SETBP1: variants seen among roughly 807,000 people sequenced by gnomAD.
The protein encoded by SETBP1 is SET-binding protein.
In SETBP1, 9 loss-of-function variants were observed where a neutral mutation model predicts 101.0. The observed-to-expected ratio is 0.09, with a 90% confidence interval of 0.05 to 0.16. The LOEUF (loss-of-function observed/expected upper bound fraction) is 0.16, where lower values mean the gene tolerates loss of function less well. Ranked by LOEUF, SETBP1 falls within the 10% of genes least tolerant of loss-of-function variation. The pLI is 1.00. For missense variants in SETBP1, 1,858 were observed against 2,033.8 expected, an observed-to-expected ratio of 0.91 and a Z score of 1.66; for synonymous variants, 818 against 788.5, an observed-to-expected ratio of 1.04 and a Z score of -0.63.
At chr18:45,050,264 A>G (rs772555044) in intron 5 of SETBP1, among the ~76,000 whole-genome samples, 31 of 152,240 alleles carry the variant, frequency 2.0e-4, no homozygotes, top group Admixed American at 7.8e-4. Flanking sequence ...TACAAAGCAT[A>G]GCTGTTACAA....
chr18:44,972,580 G>A (rs1210182558), intron 4 of SETBP1, among the ~76,000 whole-genome samples: 1 of 152,136 alleles, frequency 6.6e-6, no homozygotes. Context: ...TCTCCCTGAA[G>A]AGATCCTTCA....
chr18:44,686,773 G>C (rs2068847098), intron 1 of SETBP1, among the ~76,000 whole-genome samples: 1 of 152,102 alleles, frequency 6.6e-6, no homozygotes, highest in African/African-American at 2.4e-5. Flanking sequence ...AATAATAATT[G>C]CTTTTTATAT....
rs565075562 is a variant in SETBP1 at position 44,918,955 on chromosome 18, A to G, written c.541-30926A>G. 5.3e-5 allele frequency among the ~76,000 whole-genome samples: 8 copies of G among 152,324 alleles called. No homozygotes were observed. In the South Asian group the frequency reaches 1.2e-3, roughly 24 times the overall value. Reference sequence around the variant, plus strand: ...ACTCTTCTCCTGGGGCTTAATATCTATAGCAGTCCCACTTTGGATTCTGCT... The same window carrying G: ...ACTCTTCTCCTGGGGCTTAATATCTGTAGCAGTCCCACTTTGGATTCTGCT... On this transcript the variant is annotated intron_variant, in intron 3 of 5. Transcript: ENST00000649279.
chr18:45,054,532 A>G (rs115997074), intron 5 of SETBP1, among the ~76,000 whole-genome samples: 1 of 152,138 alleles, frequency 6.6e-6, no homozygotes, highest in Non-Finnish European at 1.5e-5. Flanking sequence ...AAAATCCCCC[A>G]GACTTAAAAC....
At chr18:44,735,555 A>T (rs1247289141) in intron 2 of SETBP1, among the ~76,000 whole-genome samples, 1 of 152,220 alleles carries the variant, frequency 6.6e-6, no homozygotes, top group African/African-American at 2.4e-5. Flanking sequence ...CATCTGCAAG[A>T]CTAAACATTA....
intron 2 of SETBP1, among the ~76,000 whole-genome samples, chr18:44,793,286 CTG>C (rs1188231232): frequency 6.6e-6 from 1 of 152,156 alleles, no homozygotes; most frequent in Non-Finnish European, 1.5e-5. Flanking sequence ...TTAAGATTAT[CTG>C]GGGAGTTTGT....
At chr18:44,915,216 C>G (rs563075728) in intron 3 of SETBP1, among the ~76,000 whole-genome samples, 1 of 152,270 alleles carries the variant, frequency 6.6e-6, no homozygotes, top group African/African-American at 2.4e-5. Context: ...TCATTATGCT[C>G]CAGGACACCA....
chr18:44,952,690 T>C lies in SETBP1; in HGVS notation c.3350T>C (p.Leu1117Pro), dbSNP rs768009924. ...AKHKAKHGVHLQGPVSMGLGD... is the reference protein window; with the variant it reads ...AKHKAKHGVHPQGPVSMGLGD... Reference sequence around the variant, plus strand: ...CATAAAGCCAAGCATGGAGTACACCTGCAGGGACCTGTTAGCATGGGCCTT... The same window carrying C: ...CATAAAGCCAAGCATGGAGTACACCCGCAGGGACCTGTTAGCATGGGCCTT... The change falls in exon 4 of 6, where the codon CTG (leucine) becomes CCG (proline). Residue 1117 changes from leucine to proline, a missense_variant. Transcript: ENST00000649279. 1 of 1,614,144 alleles carries C rather than the reference T, an allele frequency of 6.2e-7. No homozygotes were observed.
intron 2 of SETBP1, among the ~76,000 whole-genome samples, chr18:44,799,800 C>T (rs1035978053): frequency 1.3e-5 from 2 of 152,154 alleles, no homozygotes; most frequent in African/African-American, 4.8e-5. Context: ...TACTTCTGAC[C>T]TCACTCACCT....
At chr18:45,011,407 A>G (rs938004679) in intron 4 of SETBP1, among the ~76,000 whole-genome samples, 4 of 152,312 alleles carry the variant, frequency 2.6e-5, no homozygotes, top group African/African-American at 9.6e-5. Flanking sequence ...AGCCTGTGCC[A>G]TCTTATAGCA....
chr18:44,868,524 G>A (rs947909685), intron 2 of SETBP1, among the ~76,000 whole-genome samples: 3 of 152,058 alleles, frequency 2.0e-5, no homozygotes, highest in Admixed American at 6.5e-5. Context: ...GAGAGACCTC[G>A]TCTCTACTAA....
At chr18:44,919,338 TC>T (rs1428323405) in intron 3 of SETBP1, among the ~76,000 whole-genome samples, 4 of 145,498 alleles carry the variant, frequency 2.7e-5, no homozygotes, top group African/African-American at 1.0e-4. Flanking sequence ...CTAAATCAAA[TC>T]CCCCCATCTT....
intron 4 of SETBP1, among the ~76,000 whole-genome samples, chr18:44,971,781 T>C (rs895215378): frequency 1.4e-4 from 22 of 152,348 alleles, no homozygotes; most frequent in South Asian, 4.1e-4. Flanking sequence ...TATTAGCCCT[T>C]TGTCAGATGA....
intron 3 of SETBP1, among the ~76,000 whole-genome samples, chr18:44,934,761 A>G (rs180909318): frequency 6.6e-6 from 1 of 152,296 alleles, no homozygotes; most frequent in African/African-American, 2.4e-5. Flanking sequence ...TCACACAGCT[A>G]GTAATATTTG....
chr18:44,795,969 A>C (rs977405892), intron 2 of SETBP1, among the ~76,000 whole-genome samples: 4 of 152,230 alleles, frequency 2.6e-5, no homozygotes, highest in Non-Finnish European at 4.4e-5. Context: ...TGAAGATGCT[A>C]GTTCTTCTCC....
At chr18:44,781,338 G>A (rs2071125109) in intron 2 of SETBP1, among the ~76,000 whole-genome samples, 1 of 152,112 alleles carries the variant, frequency 6.6e-6, no homozygotes, top group African/African-American at 2.4e-5. Context: ...TAGAGACAGG[G>A]AAGATTTCAC....
At chr18:44,900,635 G>GC (rs751887276) in intron 3 of SETBP1, among the ~76,000 whole-genome samples, 5 of 152,264 alleles carry the variant, frequency 3.3e-5, no homozygotes, top group African/African-American at 9.6e-5. Flanking sequence ...TGCAAAGTGT[G>GC]CCCCCCAGAC....
At chr18:44,731,631 T>C (rs190809029) in intron 2 of SETBP1, among the ~76,000 whole-genome samples, 119 of 149,848 alleles carry the variant, frequency 7.9e-4, no homozygotes, top group African/African-American at 2.8e-3. Flanking sequence ...AATGGTTCTT[T>C]ACACACACAC....
At chr18:44,720,145 C>A (rs2069555597) in intron 2 of SETBP1, among the ~76,000 whole-genome samples, 1 of 152,166 alleles carries the variant, frequency 6.6e-6, no homozygotes. Flanking sequence ...TGATAGAGCC[C>A]TGGCTTAAGA....
Sources: gnomAD v4.1 joint callset for allele counts (sites outside exome capture counted in the v4.1 genomes callset) on GRCh38, gnomAD v4.1.1 for gene constraint, MANE v1.5 for transcripts, NCBI Gene and HGNC (gene_info 2026-07-23, HGNC 2026-07-21) for gene names.